The following NID1 variants were observed in gnomAD, a reference collection of about 807,000 sequenced individuals.
The protein encoded by NID1 is nidogen-1.
A neutral mutation model predicts 130.6 loss-of-function variants in NID1; 76 were observed. That is an observed-to-expected ratio of 0.58 (90% CI 0.48 to 0.70). NID1 has a LOEUF of 0.70. NID1 is among the 30% of genes least tolerant of loss of function. NID1 has a pLI of 0.00. For synonymous variants in NID1, 665 were observed against 675.1 expected, an observed-to-expected ratio of 0.98 and a Z score of 0.23; for missense variants, 1,517 against 1,664.8, an observed-to-expected ratio of 0.91 and a Z score of 1.54.
intron 8 of NID1, among the ~76,000 whole-genome samples, chr1:236,024,591 A>G (rs1658868185): frequency 6.6e-6 from 1 of 152,226 alleles, no homozygotes; most frequent in African/African-American, 2.4e-5. Flanking sequence ...CAGTTGCTAT[A>G]GGAGGGAGAA....
At position 235,979,008 on chromosome 1, in the gene NID1, A is replaced by G. The variant is rs370415089; in HGVS notation, c.3609T>C (p.Ser1203=). 6.2e-7 allele frequency: 1 copy of G among 1,612,964 alleles called. No individual in the cohort carries two copies. Among genetic ancestry groups the G allele is most frequent in the Non-Finnish European group, 8.5e-7 (1 of 1,179,024 alleles). ...CAGGAGAGTTACCTTGCGGACACTG[A>G]GACAGGGCCGTGGTGATGCCATACA... ...TRLYGITTAL[S]QCPQGHNYCS... Residue 1203 remains serine (S), a synonymous_variant, in exon 19 of 20, where the codon TCT becomes TCC. Transcript: ENST00000264187. This position sits in a 1 kb window ranked among gnomAD's most constrained non-coding sequence, Gnocchi z 4.6.
At position 235,990,757 on chromosome 1, in the gene NID1, AGGACTACAT is replaced by A. The variant is rs3831990; in HGVS notation, c.2928+120_2928+128del. The A allele has an allele frequency of 0.18, 179,023 of 1,001,180 alleles. 21,105 individuals carry two copies. Among genetic ancestry groups the A allele is most frequent in the East Asian group, 0.64 (26,966 of 41,892 alleles). The allele number at this position is 1,001,180 out of a possible 1,614,324, so 62.0% of individuals were successfully genotyped here. A position where few individuals can be genotyped will look rare whatever the true frequency, so the allele number is the denominator to read the frequency against. On this transcript the variant is annotated intron_variant, in intron 14 of 19. Transcript: ENST00000264187. ...TGGCCCCATCTAGAGATGGTCACCC[AGGACTACAT>A]GGAATGAGCACCCATGGTTCCAGGG...
chr1:236,064,868 A>C lies in NID1; in HGVS notation c.212T>G (p.Ile71Ser). ...GALRFYDRSDIDAVYVTTNGI... is the reference protein window; with the variant it reads ...GALRFYDRSDSDAVYVTTNGI... ...GGGCTCACTCACGTAGACTGCGTCGATGTCGGATCTGTCGTAGAAGCGGAG... is the reference window on the plus strand; with the variant it reads ...GGGCTCACTCACGTAGACTGCGTCGCTGTCGGATCTGTCGTAGAAGCGGAG... Residue 71 changes from isoleucine to serine, a missense_variant, in exon 1 of 20, where the codon ATC (isoleucine) becomes AGC (serine). Physicochemically the swap from Ile to Ser is moderately radical, Grantham distance 142 (BLOSUM62 -2). This residue lies in a region of NID1 where 1,329 missense variants were observed against 1,429.2 expected (regional missense o/e 0.93). Transcript: ENST00000264187. 6.2e-7 allele frequency: 1 copy of C among 1,611,834 alleles called. No homozygotes were observed. Among genetic ancestry groups the C allele is most frequent in the Non-Finnish European group, 8.5e-7 (1 of 1,179,288 alleles).
chr1:236,063,471 C>CAA (rs34798558), intron 1 of NID1, among the ~76,000 whole-genome samples: 4 of 136,968 alleles, frequency 2.9e-5, no homozygotes, highest in Non-Finnish European at 4.7e-5. Flanking sequence ...GACTCTGTCT[C>CAA]AAAAAAAAAA....
At chr1:236,009,113 A>C (rs994779564) in intron 12 of NID1, among the ~76,000 whole-genome samples, 2 of 152,194 alleles carry the variant, frequency 1.3e-5, no homozygotes, top group Non-Finnish European at 2.9e-5. Flanking sequence ...AAATCCACGT[A>C]CTGAAATCCT....
At chr1:235,978,630 A>T (rs1657342381) in intron 19 of NID1, among the ~76,000 whole-genome samples, 1 of 152,224 alleles carries the variant, frequency 6.6e-6, no homozygotes, top group Non-Finnish European at 1.5e-5. Context: ...TAAGTGCCAC[A>T]CATATGTTTT....
intron 15 of NID1, among the ~76,000 whole-genome samples, chr1:235,982,145 T>C (rs1381539426): frequency 1.3e-5 from 2 of 152,130 alleles, no homozygotes; most frequent in Non-Finnish European, 2.9e-5. Flanking sequence ...AGGGAGGGGT[T>C]CCTGGGGGAG....
Position 236,048,844 on chromosome 1 carries a change from T to C in NID1, c.371A>G (p.Glu124Gly), listed in dbSNP as rs1364901370. 6.2e-7 allele frequency: 1 copy of C among 1,614,124 alleles called. No individual in the cohort carries two copies. Among genetic ancestry groups the C allele is most frequent in the Non-Finnish European group, 8.5e-7 (1 of 1,180,002 alleles). ...CTGAGTGATGGAGGGGGATAAGTCT[T>C]CTCGATAATAAACCTTCCCCAGGCC... ...TDGLGKVYYREDLSPSITQRA... is the reference protein window; with the variant it reads ...TDGLGKVYYRGDLSPSITQRA... Residue 124 changes from glutamate to glycine, a missense_variant, in exon 2 of 20, where the codon GAA becomes GGA. Transcript: ENST00000264187.
rs1159831657 is a variant in NID1, at chr1:235,977,756, G to T, written c.*111C>A. The T allele has an allele frequency of 3.1e-6, 4 of 1,282,612 alleles. No homozygotes were observed. In the African/African-American group the frequency reaches 4.4e-5, roughly 14 times the overall value. 79.5% of individuals were successfully genotyped at this position (1,282,612 alleles called of 1,614,324 possible). ...GTTGTTGGGGCTCAGGCTGGGCTGG[G>T]TCTGGGCCTAGTGGCCACTCAGCCA... On this transcript the variant is annotated 3_prime_UTR_variant, in exon 20 of 20. Coordinates refer to ENST00000264187, the MANE Select transcript of NID1 (RefSeq NM_002508.3).
intron 2 of NID1, among the ~76,000 whole-genome samples, chr1:236,046,913 A>G (rs1220619101): frequency 2.6e-5 from 4 of 152,110 alleles, no homozygotes; most frequent in Admixed American, 6.6e-5. Flanking sequence ...GGGGGAAGGG[A>G]AGAGGTATGG....
intron 19 of NID1, 123 bp from the exon 20 acceptor site, chr1:235,978,111 G>A: frequency 8.6e-7 from 1 of 1,167,792 alleles, no homozygotes; most frequent in Non-Finnish European, 1.2e-6. Flanking sequence ...ATGCTAGGAA[G>A]GCTTCAGGAG....
chr1:236,020,544 G>A (rs147191185), intron 9 of NID1, among the ~76,000 whole-genome samples: 48 of 152,230 alleles, frequency 3.2e-4, no homozygotes, highest in African/African-American at 8.4e-4. Flanking sequence ...CTGTGAAATC[G>A]TCTCCAAATT....
chr1:236,034,556 C>T (rs1023905332), intron 5 of NID1, among the ~76,000 whole-genome samples: 5 of 151,896 alleles, frequency 3.3e-5, no homozygotes, highest in Admixed American at 6.6e-5. Flanking sequence ...ATGTATTGTA[C>T]GATTCTATGT....
intron 12 of NID1, among the ~76,000 whole-genome samples, chr1:236,006,596 A>G (rs1219015011): frequency 2.0e-5 from 3 of 152,244 alleles, no homozygotes; most frequent in Non-Finnish European, 4.4e-5. Context: ...AAAACTATAG[A>G]TAGAAAAATG....
chr1:236,053,768 T>C (rs1331726755), intron 1 of NID1, among the ~76,000 whole-genome samples: 1 of 152,126 alleles, frequency 6.6e-6, no homozygotes, highest in African/African-American at 2.4e-5. Flanking sequence ...CCTGACTTCC[T>C]CCAATATAGG....
intron 9 of NID1, among the ~76,000 whole-genome samples, chr1:236,023,236 G>A (rs550877431): frequency 6.6e-6 from 1 of 152,146 alleles, no homozygotes; most frequent in Admixed American, 6.5e-5. Flanking sequence ...CTGATGGATG[G>A]ATAAACAAAA....
Position 236,032,512 on chromosome 1 carries a change from T to C in NID1, c.1426A>G (p.Ile476Val), listed in dbSNP as rs750360256. Residue 476 changes from isoleucine (I) to valine (V), a missense_variant, in exon 6 of 20, where the codon ATT becomes GTT. Coordinates refer to ENST00000264187, the MANE Select transcript of NID1 (RefSeq NM_002508.3). ...AGAGAATATCCAACGGTCTCGGGAA[T>C]GGTGCTGATGGCTGTGTAGGAGCGC... ...HGRSYTAIST[I>V]PETVGYSLLP... 3.1e-6 allele frequency: 5 copies of C among 1,614,078 alleles called. No homozygotes were observed. The highest frequency in any genetic ancestry group is 4.2e-6 in the Non-Finnish European group (5 of 1,180,044).
rs540235770 is a variant in NID1, at chr1:235,993,538, C to T, written c.2755+107G>A. The T allele has an allele frequency of 1.8e-5, 18 of 1,015,666 alleles. No homozygotes were observed. The African/African-American group carries it at 4.0e-4, about 22-fold the overall frequency. 62.9% of individuals were successfully genotyped at this position (1,015,666 alleles called of 1,614,324 possible). A position where few individuals can be genotyped will look rare whatever the true frequency, so the allele number is the denominator to read the frequency against. On this transcript the variant is annotated intron_variant, in intron 13 of 19. Transcript: ENST00000264187. Reference sequence around the variant, plus strand: ...GCGGGTGGGGCTGGAGCCAGTGGAACAGTTCAAGCTTTAGGTCCAGCAGAA... The same window carrying T: ...GCGGGTGGGGCTGGAGCCAGTGGAATAGTTCAAGCTTTAGGTCCAGCAGAA...
intron 12 of NID1, among the ~76,000 whole-genome samples, chr1:236,001,515 G>A (rs1658076125): frequency 6.6e-6 from 1 of 152,318 alleles, no homozygotes; most frequent in East Asian, 1.9e-4. Flanking sequence ...TACAAGTCAA[G>A]GGGGCAATGT....
Sources: gnomAD v4.1 joint callset for allele counts (sites outside exome capture counted in the v4.1 genomes callset) on GRCh38, gnomAD v4.1.1 for gene constraint, gnomAD v4.1.1 regional missense constraint, Gnocchi (gnomAD v3.1) non-coding constraint, MANE v1.5 for transcripts, NCBI Gene and HGNC (gene_info 2026-07-23, HGNC 2026-07-21) for gene names.